CACNA2D2: variants seen among roughly 807,000 people sequenced by gnomAD.
The protein encoded by CACNA2D2 is voltage-dependent calcium channel subunit alpha-2/delta-2.
Under a neutral mutation model 166.4 loss-of-function variants are expected in CACNA2D2, and 48 were observed. The observed-to-expected ratio is 0.29, with a 90% CI of 0.23 to 0.37. The LOEUF (loss-of-function observed/expected upper bound fraction) is 0.37. Ranked by LOEUF, CACNA2D2 falls within the 10% of genes least tolerant of loss-of-function variation. The pLI is 1.00. For synonymous variants in CACNA2D2, 561 were observed against 573.7 expected, an observed-to-expected ratio of 0.98 and a Z score of 0.32; for missense variants, 1,122 against 1,433.0, an observed-to-expected ratio of 0.78 and a Z score of 3.50.
rs1575586400 is a variant in CACNA2D2, at chr3:50,367,727, G to A, written c.2235-23C>T. The stretch of plus-strand genomic sequence containing the variant: ...TACCTGGGGGTAGCAGGGGGGTGGG[G>A]TCACAGGCCTGCCTTCTGCTGGGCA... On this transcript the variant is annotated intron_variant, in intron 25 of 37. Coordinates refer to ENST00000424201, the MANE Select transcript of CACNA2D2 (RefSeq NM_006030.4). The surrounding 1 kb of genome is among the most constrained non-coding windows in gnomAD (Gnocchi z 6.5). The A allele has an allele frequency of 6.2e-7, 1 of 1,612,100 alleles. No individual in the cohort carries two copies. The highest frequency in any genetic ancestry group is 1.7e-5 in the Admixed American group (1 of 59,970).
In CACNA2D2 at chr3:50,503,592, C is replaced by T. The variant is rs141971736; in HGVS notation, c.-169G>A. On this transcript the variant is annotated 5_prime_UTR_variant, in exon 1 of 38. Transcript: ENST00000424201. ...GCACGGGCCGCAGCGCCTCTGCGGG[C>T]TGCGCGCTGCTATCTCCCTGCAGCG... 3,702 of 165,970 alleles carry T rather than the reference C, an allele frequency of 0.022. 166 individuals carry two copies. The highest frequency in any genetic ancestry group is 0.083 in the African/African-American group (3,441 of 41,618). The allele number at this position is 165,970 out of a possible 1,614,324, so 10.3% of individuals were successfully genotyped here.
In CACNA2D2 at chr3:50,364,654, G is replaced by A; in HGVS notation, c.*12C>T. On this transcript the variant is annotated 3_prime_UTR_variant, in exon 38 of 38. Transcript: ENST00000424201. The stretch of plus-strand genomic sequence containing the variant: ...GGTGAGGTGGGAGTGGAGGTGGGGT[G>A]GGGCAGGGTGCTCAGAGGCGGCGAG... 1 of 1,507,658 alleles carries A rather than the reference G, an allele frequency of 6.6e-7. No homozygotes were observed. The highest frequency in any genetic ancestry group is 8.9e-7 in the Non-Finnish European group (1 of 1,126,316). 93.4% of individuals were successfully genotyped at this position (1,507,658 alleles called of 1,614,324 possible).
Position 50,378,875 on chromosome 3 carries a change from T to C in CACNA2D2, c.1339+40A>G, listed in dbSNP as rs780196607. 3.7e-6 allele frequency: 6 copies of C among 1,610,808 alleles called. No individual in the cohort carries two copies. The South Asian group carries it at 5.5e-5, about 15-fold the overall frequency. On this transcript the variant is annotated intron_variant, in intron 13 of 37. Transcript: ENST00000424201. Reference sequence around the variant, plus strand: ...AACATACGCAATCGACAAAAAGAAATGGCAGGCAGGCCCCTGACAGTGATG... The same window carrying C: ...AACATACGCAATCGACAAAAAGAAACGGCAGGCAGGCCCCTGACAGTGATG...
At chr3:50,442,745 C>A (rs1482906077) in intron 2 of CACNA2D2, among the ~76,000 whole-genome samples, 1 of 152,204 alleles carries the variant, frequency 6.6e-6, no homozygotes, top group Non-Finnish European at 1.5e-5. Flanking sequence ...GCACTGACCA[C>A]ACCCCAGAGA....
At chr3:50,381,370 A>G (rs587668995) in intron 6 of CACNA2D2, among the ~76,000 whole-genome samples, 4 of 152,120 alleles carry the variant, frequency 2.6e-5, no homozygotes, top group East Asian at 1.9e-4. Flanking sequence ...CAGGTCCCAC[A>G]TGAGCAGGCA....
intron 3 of CACNA2D2, among the ~76,000 whole-genome samples, chr3:50,396,894 C>T (rs1026530020): frequency 1.6e-4 from 25 of 152,160 alleles, no homozygotes; most frequent in African/African-American, 5.1e-4. Flanking sequence ...GGTCTCTTGC[C>T]GCAGAAAAGC....
At chr3:50,422,261 A>G (rs1041892981) in intron 3 of CACNA2D2, among the ~76,000 whole-genome samples, 1 of 151,974 alleles carries the variant, frequency 6.6e-6, no homozygotes, top group Non-Finnish European at 1.5e-5. Flanking sequence ...TGCCCACCCC[A>G]GTTCAGAACT....
At position 50,458,661 on chromosome 3, in the gene CACNA2D2, C is replaced by T. The variant is rs560093586; in HGVS notation, c.288+17457G>A. Among the ~76,000 whole-genome samples the T allele has an allele frequency of 1.8e-3, 277 of 152,318 alleles. 1 individual carries two copies. The highest frequency in any genetic ancestry group is 6.4e-3 in the African/African-American group (267 of 41,560). On this transcript the variant is annotated intron_variant, in intron 2 of 37. Coordinates refer to ENST00000424201, the MANE Select transcript of CACNA2D2 (RefSeq NM_006030.4). ...TCTTTCCCCAAACTCCCTGGCACGA[C>T]AGTTAAGGACTATTCAAAATGGCAA...
In CACNA2D2 at chr3:50,475,990, G is replaced by A. The variant is rs938785994; in HGVS notation, c.288+128C>T. 24 of 751,070 alleles carry A rather than the reference G, an allele frequency of 3.2e-5. 1 individual carries two copies. Among genetic ancestry groups the A allele is most frequent in the Middle Eastern group, 2.3e-4 (1 of 4,276 alleles). The allele number at this position is 751,070 out of a possible 1,614,324, so 46.5% of individuals were successfully genotyped here. ...CCAGTCATGTCCCACCTGCCCCCAC[G>A]GGCCCATCAGGTCCCACCACACCAG... is the stretch of plus-strand genomic sequence containing the variant. On this transcript the variant is annotated intron_variant, in intron 2 of 37. Coordinates refer to ENST00000424201, the MANE Select transcript of CACNA2D2 (RefSeq NM_006030.4).
At position 50,363,730 on chromosome 3, in the gene CACNA2D2, G is replaced by C. The variant is rs587686627; in HGVS notation, c.*936C>G. On this transcript the variant is annotated 3_prime_UTR_variant, in exon 38 of 38. Transcript: ENST00000424201. ...CCCACTGGGGGCCTGACACTAGTGA[G>C]AAATGGTTACAATGAGCACCTGGAG... 4 of 156,094 alleles carry C rather than the reference G, an allele frequency of 2.6e-5. No homozygotes were observed. The highest frequency in any genetic ancestry group is 1.9e-4 in the East Asian group (1 of 5,274). The allele number at this position is 156,094 out of a possible 1,614,324, so 9.7% of individuals were successfully genotyped here.
chr3:50,490,704 T>C (rs1452167655), intron 1 of CACNA2D2, among the ~76,000 whole-genome samples: 2 of 152,164 alleles, frequency 1.3e-5, no homozygotes, highest in African/African-American at 4.8e-5. Flanking sequence ...GGGCTCCCTG[T>C]TCAGCACATA....
rs775526117 is a variant in CACNA2D2, at chr3:50,364,937, C to T, written c.3242G>A (p.Arg1081Lys). 1 of 1,613,294 alleles carries T rather than the reference C, an allele frequency of 6.2e-7. No individual in the cohort carries two copies. The highest frequency in any genetic ancestry group is 8.5e-7 in the Non-Finnish European group (1 of 1,179,866). The change falls in exon 37 of 38, where the codon AGA becomes AAA. Residue 1081 changes from arginine (R) to lysine (K), a missense_variant. This residue lies in a region of CACNA2D2 where 282 missense variants were observed against 266.2 expected (regional missense o/e 1.06). Transcript: ENST00000424201. ...DGPEQCELVQRPRYRRGPHIC... is the reference protein window; with the variant it reads ...DGPEQCELVQKPRYRRGPHIC... Reference sequence around the variant, plus strand: ...GTGCGGGCCTCTCCGGTATCGCGGTCTCTGCACTAGCTCACACTGCTCCGG... The same window carrying T: ...GTGCGGGCCTCTCCGGTATCGCGGTTTCTGCACTAGCTCACACTGCTCCGG...
chr3:50,455,704 C>T (rs1040320032), intron 2 of CACNA2D2, among the ~76,000 whole-genome samples: 3 of 152,118 alleles, frequency 2.0e-5, no homozygotes, highest in African/African-American at 7.2e-5. Flanking sequence ...CAGATGGTGA[C>T]ACCCCTCCCG....
chr3:50,473,427 A>C (rs963071173), intron 2 of CACNA2D2, among the ~76,000 whole-genome samples: 18 of 152,242 alleles, frequency 1.2e-4, no homozygotes, highest in Non-Finnish European at 2.6e-4. Flanking sequence ...GAGGGGAAGA[A>C]GGCCAAGGGG....
intron 1 of CACNA2D2, among the ~76,000 whole-genome samples, chr3:50,500,952 C>A (rs905394533): frequency 6.6e-6 from 1 of 152,178 alleles, no homozygotes. Flanking sequence ...TGAAGCTGGG[C>A]CCCTGTGCAC....
chr3:50,436,792 G>A (rs1401027857), intron 2 of CACNA2D2, among the ~76,000 whole-genome samples: 3 of 152,138 alleles, frequency 2.0e-5, no homozygotes, highest in Admixed American at 1.3e-4. Flanking sequence ...CAAAGCCATC[G>A]GCTCCATTCC....
In CACNA2D2 at chr3:50,368,123, C is replaced by G. The variant is rs1446975524; in HGVS notation, c.2143+15G>C. ...TGGGCACTGCCCAGAGCCAGCTGCC[C>G]TGCCAGGCACTCACACTGCTTGGAG... On this transcript the variant is annotated intron_variant, in intron 24 of 37. Transcript: ENST00000424201. The G allele has an allele frequency of 1.3e-6, 2 of 1,582,338 alleles. No homozygotes were observed. The highest frequency in any genetic ancestry group is 1.7e-6 in the Non-Finnish European group (2 of 1,151,388).
chr3:50,497,532 A>C (rs1382577643), intron 1 of CACNA2D2, among the ~76,000 whole-genome samples: 2 of 152,216 alleles, frequency 1.3e-5, no homozygotes, highest in Non-Finnish European at 2.9e-5. Context: ...AAGGAAAAGC[A>C]CTGTGAGGGC....
rs1704004316 is a variant in CACNA2D2 at position 50,362,886 on chromosome 3, T to C, written c.*1780A>G. 1 of 383,974 alleles carries C rather than the reference T, an allele frequency of 2.6e-6. No individual in the cohort carries two copies. Among genetic ancestry groups the C allele is most frequent in the Non-Finnish European group, 4.6e-6 (1 of 217,716 alleles). 23.8% of individuals were successfully genotyped at this position (383,974 alleles called of 1,614,324 possible). A position where few individuals can be genotyped will look rare whatever the true frequency, so the allele number is the denominator to read the frequency against. Reference sequence around the variant, plus strand: ...ATTTTACAAGGAATCACACACACGATATTTTACAAAGTTTCTTGACTTTTT... The same window carrying C: ...ATTTTACAAGGAATCACACACACGACATTTTACAAAGTTTCTTGACTTTTT... On this transcript the variant is annotated 3_prime_UTR_variant, in exon 38 of 38. Coordinates refer to ENST00000424201, the MANE Select transcript of CACNA2D2 (RefSeq NM_006030.4).
Sources: gnomAD v4.1 joint callset for allele counts (sites outside exome capture counted in the v4.1 genomes callset) on GRCh38, gnomAD v4.1.1 for gene constraint, gnomAD v4.1.1 regional missense constraint, Gnocchi (gnomAD v3.1) non-coding constraint, MANE v1.5 for transcripts, NCBI Gene and HGNC (gene_info 2026-07-23, HGNC 2026-07-21) for gene names.